ACVR1B: variants seen among roughly 807,000 people sequenced by gnomAD.
ACVR1B encodes the protein activin receptor type-1B.
Under a neutral mutation model 55.6 loss-of-function variants are expected in ACVR1B, and 15 were observed. The observed-to-expected ratio is 0.27, with a 90% CI of 0.18 to 0.42. The LOEUF is 0.42. Among genes scored for constraint, ACVR1B ranks in the 10% least tolerant of loss-of-function variants. The pLI is 1.00. For synonymous variants in ACVR1B, 247 were observed against 254.6 expected (o/e 0.97, Z 0.28); for missense variants, 359 against 670.1 (o/e 0.54, Z 5.13).
chr12:51,981,638 C>T (rs1941981044), intron 4 of ACVR1B, among the ~76,000 whole-genome samples: 1 of 152,128 alleles, frequency 6.6e-6, no homozygotes, highest in Non-Finnish European at 1.5e-5. Context: ...TTGTGACCAG[C>T]CTGGCCAACA....
Position 51,966,468 on chromosome 12 carries a change from A to G in ACVR1B, c.92-8797A>G, listed in dbSNP as rs1029789925. 6.6e-5 allele frequency among the ~76,000 whole-genome samples: 10 copies of G among 152,318 alleles called. No individual in the cohort carries two copies. In the East Asian group the frequency reaches 1.7e-3, roughly 26 times the overall value. The stretch of plus-strand genomic sequence containing the variant: ...GGATTTTCATTTTATTTTATTTTTG[A>G]GGCAGAGTCTAGCTCTGTCACCCAG... On this transcript the variant is annotated intron_variant, in intron 1 of 8. Coordinates refer to ENST00000257963, the MANE Select transcript of ACVR1B (RefSeq NM_004302.5).
At position 51,995,643 on chromosome 12, in the gene ACVR1B, C is replaced by T. The variant is rs1485354808; in HGVS notation, c.*1533C>T. ...TATTAAGTTTTTGTAAAAGGAAAACCATCTCTGTGATTACCTCTCAATCTA... is the reference window on the plus strand; with the variant it reads ...TATTAAGTTTTTGTAAAAGGAAAACTATCTCTGTGATTACCTCTCAATCTA... On this transcript the variant is annotated 3_prime_UTR_variant, in exon 9 of 9. Coordinates refer to ENST00000257963, the MANE Select transcript of ACVR1B (RefSeq NM_004302.5). 6.6e-6 allele frequency: 1 copy of T among 151,374 alleles called. No homozygotes were observed. The highest frequency in any genetic ancestry group is 1.5e-5 in the Non-Finnish European group (1 of 67,824). 9.4% of individuals were successfully genotyped at this position (151,374 alleles called of 1,614,324 possible). A position where few individuals can be genotyped will look rare whatever the true frequency, so the allele number is the denominator to read the frequency against.
intron 1 of ACVR1B, among the ~76,000 whole-genome samples, chr12:51,971,010 A>G (rs1238618247): frequency 6.6e-6 from 1 of 151,692 alleles, no homozygotes; most frequent in Non-Finnish European, 1.5e-5. Flanking sequence ...ACACTCCCAC[A>G]CCCCTCCTGG....
chr12:51,993,765 T>TAAAAAAAAAAAAAAAAAAAAAAAA (rs869161100), intron 8 of ACVR1B, among the ~76,000 whole-genome samples: 1 of 29,768 alleles, frequency 3.4e-5, no homozygotes, highest in Non-Finnish European at 6.5e-5. Flanking sequence ...AGACTCCTTC[T>TAAAAAAAAAAAAAAAAAAAAAAAA]AAAAAAAAAA....
chr12:51,968,983 C>T (rs895229618), intron 1 of ACVR1B, among the ~76,000 whole-genome samples: 2 of 152,154 alleles, frequency 1.3e-5, no homozygotes, highest in African/African-American at 4.8e-5. Context: ...GAATGCTTAT[C>T]CTGTAGTTGG....
intron 1 of ACVR1B, among the ~76,000 whole-genome samples, chr12:51,974,301 AGAAC>A (rs1941802514): frequency 6.6e-6 from 1 of 152,222 alleles, no homozygotes; most frequent in Non-Finnish European, 1.5e-5. Flanking sequence ...AGTGTTGGGG[AGAAC>A]CAACTGCTGC....
At chr12:51,988,167 A>G (rs1942118421) in intron 7 of ACVR1B, among the ~76,000 whole-genome samples, 1 of 152,206 alleles carries the variant, frequency 6.6e-6, no homozygotes, top group Admixed American at 6.5e-5. Context: ...TGATCAGTAT[A>G]TGCAGTAAAA....
intron 1 of ACVR1B, among the ~76,000 whole-genome samples, chr12:51,971,152 G>A (rs777476938): frequency 3.9e-5 from 6 of 152,126 alleles, no homozygotes; most frequent in Admixed American, 6.5e-5. Flanking sequence ...TGTGTTAGGC[G>A]CCTCTATAAC....
intron 1 of ACVR1B, among the ~76,000 whole-genome samples, chr12:51,957,839 C>T (rs1215889430): frequency 6.6e-6 from 1 of 152,226 alleles, no homozygotes; most frequent in Non-Finnish European, 1.5e-5. Flanking sequence ...AGGCATATCA[C>T]TATCTTCTTG....
intron 3 of ACVR1B, among the ~76,000 whole-genome samples, chr12:51,976,800 A>G (rs1261143147): frequency 6.6e-6 from 1 of 152,320 alleles, no homozygotes; most frequent in Admixed American, 6.5e-5. Flanking sequence ...CTAGTACACA[A>G]TTATCCACTA....
chr12:51,955,237 G>C (rs954925098), intron 1 of ACVR1B, among the ~76,000 whole-genome samples: 1 of 152,182 alleles, frequency 6.6e-6, no homozygotes, highest in Non-Finnish European at 1.5e-5. Flanking sequence ...AGGACCTTGG[G>C]AATCTGCAAT....
chr12:51,961,891 C>T (rs1233799547), intron 1 of ACVR1B, among the ~76,000 whole-genome samples: 1 of 152,206 alleles, frequency 6.6e-6, no homozygotes, highest in East Asian at 1.9e-4. Flanking sequence ...GACACACTCC[C>T]TCATAATGAG....
At position 51,964,903 on chromosome 12, in the gene ACVR1B, A is replaced by AT. The variant is rs993746788; in HGVS notation, c.92-10352dup. Among the ~76,000 whole-genome samples, 24 of 147,322 alleles carry AT rather than the reference A, an allele frequency of 1.6e-4. No individual in the cohort carries two copies. The South Asian group carries it at 3.0e-3, about 19-fold the overall frequency. ...CAAGAAGTATGAGTCCTCCAACTTTATTTTTTTTTTCTCCCAAGATTGTTT... is the reference window on the plus strand; with the variant it reads ...CAAGAAGTATGAGTCCTCCAACTTTATTTTTTTTTTTCTCCCAAGATTGTTT... On this transcript the variant is annotated intron_variant, in intron 1 of 8. Coordinates refer to ENST00000257963, the MANE Select transcript of ACVR1B (RefSeq NM_004302.5).
chr12:51,968,584 T>C (rs1941686858), intron 1 of ACVR1B, among the ~76,000 whole-genome samples: 1 of 152,182 alleles, frequency 6.6e-6, no homozygotes, highest in Non-Finnish European at 1.5e-5. Context: ...TGAATTTGGG[T>C]GGAGGCTTGA....
chr12:51,985,634 G>A (rs911468598), intron 6 of ACVR1B, among the ~76,000 whole-genome samples: 1 of 152,198 alleles, frequency 6.6e-6, no homozygotes, highest in Non-Finnish European at 1.5e-5. Context: ...GCAGGATTTA[G>A]AAGGATAGCA....
intron 4 of ACVR1B, among the ~76,000 whole-genome samples, chr12:51,983,018 T>C (rs1182844976): frequency 6.6e-6 from 1 of 152,180 alleles, no homozygotes; most frequent in East Asian, 1.9e-4. Flanking sequence ...ATCCATCCCT[T>C]TATTGATTCT....
chr12:51,985,608 A>G (rs1942061663), intron 6 of ACVR1B, among the ~76,000 whole-genome samples: 1 of 152,230 alleles, frequency 6.6e-6, no homozygotes, highest in East Asian at 1.9e-4. Context: ...CGGAGGGTAG[A>G]GAAGGACAAT....
At chr12:51,987,095 G>A (rs1160670850) in intron 7 of ACVR1B, 153 bp downstream of exon 7, 3 of 1,042,492 alleles carry the variant, frequency 2.9e-6, no homozygotes, top group African/African-American at 3.1e-5. Context: ...AGGTGTGGAG[G>A]TAGCTGTGCT....
At chr12:51,967,012 G>A (rs1039873286) in intron 1 of ACVR1B, among the ~76,000 whole-genome samples, 1 of 149,162 alleles carries the variant, frequency 6.7e-6, no homozygotes, top group Non-Finnish European at 1.5e-5. Context: ...AGGCCGAGAC[G>A]GGTGGATCAC....
Sources: allele counts gnomAD v4.1 joint callset (sites outside exome capture counted in the v4.1 genomes callset), GRCh38; gene constraint gnomAD v4.1.1; transcripts MANE v1.5; gene names NCBI Gene and HGNC (gene_info 2026-07-23, HGNC 2026-07-21).